PTPN9: variants seen among roughly 807,000 people sequenced by gnomAD.
The protein encoded by PTPN9 is tyrosine-protein phosphatase non-receptor type 9.
In PTPN9, 26 loss-of-function variants were observed where a neutral mutation model predicts 69.8. The ratio of observed to expected loss-of-function variants is 0.37; its 90% CI spans 0.27 to 0.52. The LOEUF is 0.52. PTPN9 is among the 20% of genes least tolerant of loss of function. The pLI is 0.91. For missense variants in PTPN9, 549 were observed against 740.3 expected (o/e 0.74, Z 3.00); for synonymous variants, 274 against 272.5 (o/e 1.01, Z -0.05).
At position 75,482,544 on chromosome 15, in the gene PTPN9, G is replaced by A. The variant is rs1256751633; in HGVS notation, c.1063-2630C>T. ...CGTGCCACTGCACTCCAGCCTGGGC[G>A]ACAGAGCGAGACTCCGTCTCAAAAA... On this transcript the variant is annotated intron_variant, in intron 8 of 12. Coordinates refer to ENST00000618819, the MANE Select transcript of PTPN9 (RefSeq NM_002833.4). 4.6e-3 allele frequency among the ~76,000 whole-genome samples: 569 copies of A among 124,026 alleles called. 4 individuals carry two copies. The highest frequency in any genetic ancestry group is 0.016 in the African/African-American group (518 of 31,618). 81.4% of individuals were successfully genotyped at this position (124,026 alleles called of 152,430 possible).
At chr15:75,534,770 T>G (rs1034620225) in intron 1 of PTPN9, among the ~76,000 whole-genome samples, 24 of 147,352 alleles carry the variant, frequency 1.6e-4, no homozygotes, top group African/African-American at 3.5e-4. Context: ...GTCAGAAGTT[T>G]GAGACCAGCC....
chr15:75,511,947 A>G (rs548298549), intron 5 of PTPN9, among the ~76,000 whole-genome samples: 3 of 151,612 alleles, frequency 2.0e-5, no homozygotes, highest in Non-Finnish European at 2.9e-5. Flanking sequence ...GGTTCAACCA[A>G]TTCTCCTGCT....
chr15:75,480,574 G>A (rs971917322), intron 8 of PTPN9: 1 of 854,614 alleles, frequency 1.2e-6, no homozygotes, highest in Non-Finnish European at 1.5e-6. Flanking sequence ...GGCCGCGGGT[G>A]GTGGTTGGCG....
At chr15:75,543,234 A>C (rs1265181795) in intron 1 of PTPN9, among the ~76,000 whole-genome samples, 1 of 151,988 alleles carries the variant, frequency 6.6e-6, no homozygotes, top group African/African-American at 2.4e-5. Context: ...TGCCCCTCCC[A>C]GTTCACACAG....
chr15:75,538,586 G>A (rs980498269), intron 1 of PTPN9, among the ~76,000 whole-genome samples: 1 of 152,030 alleles, frequency 6.6e-6, no homozygotes, highest in African/African-American at 2.4e-5. Context: ...AGTCCCACAA[G>A]TGGGAGGATC....
intron 1 of PTPN9, among the ~76,000 whole-genome samples, chr15:75,539,461 A>T (rs547488910): frequency 6.9e-6 from 1 of 144,068 alleles, no homozygotes; most frequent in African/African-American, 2.6e-5. Context: ...TTACAGGCGT[A>T]CCTGCCTACT....
chr15:75,505,493 A>G (rs1173061372), intron 7 of PTPN9, among the ~76,000 whole-genome samples, 182 bp downstream of exon 7: 1 of 151,918 alleles, frequency 6.6e-6, no homozygotes, highest in Admixed American at 6.6e-5. Context: ...AAAAAAAAAA[A>G]GAAGCACCAA....
At chr15:75,514,693 C>T (rs1567496370) in intron 5 of PTPN9, among the ~76,000 whole-genome samples, 1 of 152,134 alleles carries the variant, frequency 6.6e-6, no homozygotes, top group Non-Finnish European at 1.5e-5. Context: ...ATATATGTAT[C>T]TTCATGGATT....
chr15:75,519,092 A>T (rs1476154926), intron 4 of PTPN9, among the ~76,000 whole-genome samples: 32 of 152,114 alleles, frequency 2.1e-4, no homozygotes, highest in Admixed American at 2.1e-3. Flanking sequence ...TCATTCCTGA[A>T]ATCAGGAGTC....
At chr15:75,553,757 T>C (rs888233282) in intron 1 of PTPN9, among the ~76,000 whole-genome samples, 1 of 152,138 alleles carries the variant, frequency 6.6e-6, no homozygotes, top group Non-Finnish European at 1.5e-5. Flanking sequence ...TTATACTTGA[T>C]GCTAATCTGC....
chr15:75,504,111 C>T (rs1393409694), intron 7 of PTPN9, among the ~76,000 whole-genome samples: 1 of 119,522 alleles, frequency 8.4e-6, no homozygotes, highest in Non-Finnish European at 1.7e-5. Context: ...ACAGCCGCCC[C>T]GTCCGGGAGG....
intron 1 of PTPN9, among the ~76,000 whole-genome samples, chr15:75,553,374 C>G (rs1356661869): frequency 1.3e-5 from 2 of 152,082 alleles, no homozygotes; most frequent in Non-Finnish European, 2.9e-5. Context: ...ACAAGGAGTC[C>G]TATCAGACTT....
chr15:75,490,827 A>G (rs1034669133), intron 7 of PTPN9, among the ~76,000 whole-genome samples: 2 of 151,994 alleles, frequency 1.3e-5, no homozygotes, highest in African/African-American at 2.4e-5. Context: ...GGGTTTCACC[A>G]TGTTAGCCAG....
At chr15:75,480,928 G>C (rs1422827542) in intron 8 of PTPN9, 2 of 213,508 alleles carry the variant, frequency 9.4e-6, no homozygotes, top group Non-Finnish European at 1.7e-5. Flanking sequence ...CTGCCTGGCC[G>C]CCCATCGTCT....
At chr15:75,490,963 G>C (rs1284509650) in intron 7 of PTPN9, among the ~76,000 whole-genome samples, 4 of 151,226 alleles carry the variant, frequency 2.6e-5, no homozygotes, top group African/African-American at 9.7e-5. Flanking sequence ...CAAAAAATTA[G>C]CCGGGCATCA....
intron 4 of PTPN9, among the ~76,000 whole-genome samples, chr15:75,518,816 CA>C (rs2074885920): frequency 5.0e-5 from 6 of 120,078 alleles, no homozygotes; most frequent in African/African-American, 2.4e-4. Flanking sequence ...GACTCCATCT[CA>C]GGGGAAAAAA....
At chr15:75,485,530 G>A (rs1377050910) in intron 8 of PTPN9, among the ~76,000 whole-genome samples, 6 of 150,184 alleles carry the variant, frequency 4.0e-5, no homozygotes, top group Non-Finnish European at 5.9e-5. Context: ...CACCGCGCCC[G>A]GCTAATTTTT....
intron 2 of PTPN9, among the ~76,000 whole-genome samples, chr15:75,525,039 G>A (rs1048017178): frequency 5.3e-5 from 8 of 151,990 alleles, no homozygotes; most frequent in South Asian, 2.1e-4. Flanking sequence ...ATGGTACCAG[G>A]ACACTAAAAT....
intron 1 of PTPN9, among the ~76,000 whole-genome samples, chr15:75,576,878 T>G (rs2075176255): frequency 6.6e-6 from 1 of 152,130 alleles, no homozygotes; most frequent in South Asian, 2.1e-4. Context: ...TTATGTGATA[T>G]TAAACTAAAA....
Sources: gnomAD v4.1 joint callset for allele counts (sites outside exome capture counted in the v4.1 genomes callset) on GRCh38, gnomAD v4.1.1 for gene constraint, MANE v1.5 for transcripts, NCBI Gene and HGNC (gene_info 2026-07-23, HGNC 2026-07-21) for gene names.